DPP6: variants seen among roughly 807,000 people sequenced by gnomAD.
DPP6 encodes the protein dipeptidyl peptidase like 6, also known as A-type potassium channel modulatory protein DPP6.
Under a neutral mutation model 122.6 loss-of-function variants are expected in DPP6, and 69 were observed. The observed-to-expected ratio is 0.56, with a 90% CI of 0.46 to 0.69. The LOEUF (loss-of-function observed/expected upper bound fraction) is 0.69. DPP6 is among the 30% of genes least tolerant of loss of function. DPP6 has a pLI of 0.00. For synonymous variants in DPP6, 418 were observed against 433.1 expected (o/e 0.97, Z 0.43); for missense variants, 928 against 1,116.9 (o/e 0.83, Z 2.41).
chr7:154,311,931 AGCATTT>A (rs1283941238), intron 1 of DPP6, among the ~76,000 whole-genome samples: 1 of 152,226 alleles, frequency 6.6e-6, no homozygotes, highest in African/African-American at 2.4e-5. Context: ...CTTTCCTGAG[AGCATTT>A]GCAATTTCAA....
chr7:154,494,130 C>T (rs1419412036), intron 3 of DPP6, among the ~76,000 whole-genome samples: 1 of 152,128 alleles, frequency 6.6e-6, no homozygotes, highest in African/African-American at 2.4e-5. Context: ...AAAGCCGAAA[C>T]ATCGCTTAAA....
At chr7:154,431,461 C>A (rs1448909576) in intron 1 of DPP6, among the ~76,000 whole-genome samples, 3 of 19,718 alleles carry the variant, frequency 1.5e-4, no homozygotes, top group Non-Finnish European at 2.5e-4. Flanking sequence ...CTTTTCTTTT[C>A]TTTTCTTTTC....
At chr7:154,375,216 A>C (rs1315676208) in intron 1 of DPP6, among the ~76,000 whole-genome samples, 2 of 152,034 alleles carry the variant, frequency 1.3e-5, no homozygotes, top group African/African-American at 4.8e-5. Context: ...TGGATTATGA[A>C]GAGTGCCAGG....
chr7:154,781,173 G>T (rs557651743), intron 10 of DPP6, among the ~76,000 whole-genome samples: 2 of 152,116 alleles, frequency 1.3e-5, no homozygotes, highest in African/African-American at 4.8e-5. Context: ...TGAGAGGAAT[G>T]AACAGTAGAT....
chr7:154,773,282 T>C (rs1044690975), intron 10 of DPP6, among the ~76,000 whole-genome samples: 1 of 152,190 alleles, frequency 6.6e-6, no homozygotes, highest in African/African-American at 2.4e-5. Context: ...AGTCTGACCT[T>C]CCATAAATGG....
chr7:154,145,255 G>A (rs564128048), intron 1 of DPP6, among the ~76,000 whole-genome samples: 55 of 152,306 alleles, frequency 3.6e-4, no homozygotes, highest in African/African-American at 1.3e-3. Context: ...AGAGACTTTG[G>A]ATGGCCTCTA....
chr7:154,074,614 A>G (rs996545219), intron 1 of DPP6, among the ~76,000 whole-genome samples: 4 of 152,230 alleles, frequency 2.6e-5, no homozygotes, highest in African/African-American at 9.6e-5. Context: ...TCTCCATTTA[A>G]TGCTTTAAGA....
chr7:154,545,454 TCCTC>T (rs201544578), intron 4 of DPP6, among the ~76,000 whole-genome samples: 128 of 146,240 alleles, frequency 8.8e-4, no homozygotes, highest in African/African-American at 2.9e-3. Flanking sequence ...CATCCTTCAC[TCCTC>T]CCTCCCTCCC....
intron 1 of DPP6, among the ~76,000 whole-genome samples, chr7:154,224,680 C>G (rs1800493402): frequency 6.7e-6 from 1 of 149,422 alleles, no homozygotes; most frequent in Non-Finnish European, 1.5e-5. Context: ...GAAATCACAA[C>G]TGTCCCCAAT....
At chr7:154,354,729 G>A (rs560809909) in intron 1 of DPP6, among the ~76,000 whole-genome samples, 18 of 152,226 alleles carry the variant, frequency 1.2e-4, no homozygotes, top group African/African-American at 3.6e-4. Flanking sequence ...TTCACTCTTC[G>A]CATTTCTGTA....
At chr7:154,249,063 A>G (rs1802181698) in intron 1 of DPP6, among the ~76,000 whole-genome samples, 1 of 152,262 alleles carries the variant, frequency 6.6e-6, no homozygotes, top group Non-Finnish European at 1.5e-5. Context: ...AGAGCCATAG[A>G]TAAGAATCTG....
At position 154,658,062 on chromosome 7, in the gene DPP6, A is replaced by G. The variant is rs139697615; in HGVS notation, c.681-11298A>G. Among the ~76,000 whole-genome samples, 531 of 152,318 alleles carry G rather than the reference A, an allele frequency of 3.5e-3. 4 individuals are homozygous for G. Among genetic ancestry groups the G allele is most frequent in the African/African-American group, 0.012 (500 of 41,558 alleles). ...AAGGATGAATCGGCCGAGCACACAG[A>G]GGTTTGGAGACCCAAAAGACGTCTG... On this transcript the variant is annotated intron_variant, in intron 6 of 25. Coordinates refer to ENST00000377770, the MANE Select transcript of DPP6 (RefSeq NM_130797.4).
chr7:154,166,628 A>T (rs1797264875), intron 1 of DPP6, among the ~76,000 whole-genome samples: 1 of 143,248 alleles, frequency 7.0e-6, no homozygotes, highest in Admixed American at 6.7e-5. Flanking sequence ...AAGTTTTCAT[A>T]TGGCCGGGCT....
At chr7:154,281,681 A>G (rs1480401463) in intron 1 of DPP6, among the ~76,000 whole-genome samples, 1 of 152,226 alleles carries the variant, frequency 6.6e-6, no homozygotes, top group Admixed American at 6.5e-5. Context: ...GGCATTTTGT[A>G]TCTTAGTATA....
chr7:153,918,522 AAAACACACACACACAC>A (rs1196710111), intron 1 of DPP6, among the ~76,000 whole-genome samples: 19 of 33,412 alleles, frequency 5.7e-4, no homozygotes, highest in African/African-American at 2.3e-3. Flanking sequence ...AGAGGTAATT[AAAACACACACACACAC>A]ACACACACAC....
chr7:154,445,064 A>G (rs1038144358), intron 1 of DPP6, among the ~76,000 whole-genome samples: 7 of 152,198 alleles, frequency 4.6e-5, no homozygotes, highest in African/African-American at 1.7e-4. Flanking sequence ...ATTTTGGATG[A>G]TATTGCATAT....
chr7:154,102,905 TG>T (rs565464838), intron 1 of DPP6, among the ~76,000 whole-genome samples: 1 of 152,174 alleles, frequency 6.6e-6, no homozygotes, highest in Non-Finnish European at 1.5e-5. Context: ...ATCAGTGTCA[TG>T]TTCCACTCAA....
chr7:154,653,334 T>A (rs1006515017), intron 6 of DPP6, among the ~76,000 whole-genome samples: 2 of 152,208 alleles, frequency 1.3e-5, no homozygotes. Context: ...AGCGACAGCA[T>A]GAGACCTTGT....
chr7:154,223,557 A>G (rs990960977), intron 1 of DPP6, among the ~76,000 whole-genome samples: 2 of 149,336 alleles, frequency 1.3e-5, no homozygotes, highest in Non-Finnish European at 2.9e-5. Context: ...AAGCCCCCTG[A>G]GGCTCTGAGA....
Sources: gnomAD v4.1 joint callset for allele counts (sites outside exome capture counted in the v4.1 genomes callset) on GRCh38, gnomAD v4.1.1 for gene constraint, MANE v1.5 for transcripts, NCBI Gene and HGNC (gene_info 2026-07-23, HGNC 2026-07-21) for gene names.